CCDC148: variants seen among roughly 807,000 people sequenced by gnomAD.
CCDC148 encodes the protein coiled-coil domain-containing protein 148.
CCDC148 carries 89 observed loss-of-function variants against 85.7 expected under a neutral mutation model. That is an observed-to-expected ratio of 1.04 (90% confidence interval 0.87 to 1.24). The LOEUF is 1.24. CCDC148 is among the 50% of genes most tolerant of loss of function. The pLI is 0.00. For missense variants in CCDC148, 692 were observed against 671.7 expected (o/e 1.03, Z -0.33); for synonymous variants, 230 against 213.9 (o/e 1.08, Z -0.66).
chr2:158,400,150 T>C (rs1156489477), intron 1 of CCDC148, among the ~76,000 whole-genome samples: 1 of 152,192 alleles, frequency 6.6e-6, no homozygotes, highest in Non-Finnish European at 1.5e-5. Flanking sequence ...AACTTGTAGA[T>C]GCAATGCCAT....
intron 2 of CCDC148, among the ~76,000 whole-genome samples, chr2:158,357,689 T>C (rs1480043175): frequency 6.6e-6 from 1 of 152,196 alleles, no homozygotes; most frequent in Non-Finnish European, 1.5e-5. Context: ...GAATATACGG[T>C]AATCTCTCCA....
At chr2:158,361,925 T>C (rs138513969) in intron 1 of CCDC148, among the ~76,000 whole-genome samples, 1,880 of 148,858 alleles carry the variant, frequency 0.013, 30 homozygotes, top group African/African-American at 0.04. Context: ...AGGAGATCCA[T>C]CTCATGTGCA....
At chr2:158,272,980 A>G (rs1337947943) in intron 9 of CCDC148, among the ~76,000 whole-genome samples, 1 of 152,236 alleles carries the variant, frequency 6.6e-6, no homozygotes, top group Admixed American at 6.5e-5. Context: ...TGTCAATTTA[A>G]AAAGGATTTA....
At chr2:158,435,040 T>A (rs1687572142) in intron 1 of CCDC148, among the ~76,000 whole-genome samples, 1 of 152,202 alleles carries the variant, frequency 6.6e-6, no homozygotes, top group Non-Finnish European at 1.5e-5. Flanking sequence ...GGAACCAAGT[T>A]GGAAAACACT....
At chr2:158,403,625 A>G (rs1016348734) in intron 1 of CCDC148, among the ~76,000 whole-genome samples, 1 of 152,040 alleles carries the variant, frequency 6.6e-6, no homozygotes, top group Admixed American at 6.6e-5. Flanking sequence ...AAACAATTAA[A>G]TTGGCATTTA....
chr2:158,209,020 G>T (rs894301120), intron 11 of CCDC148, among the ~76,000 whole-genome samples: 2 of 151,314 alleles, frequency 1.3e-5, no homozygotes, highest in African/African-American at 4.9e-5. Context: ...AATATCATCT[G>T]ATGGCTGTAT....
intron 11 of CCDC148, among the ~76,000 whole-genome samples, chr2:158,188,742 G>A (rs1685276400): frequency 6.6e-6 from 1 of 151,922 alleles, no homozygotes; most frequent in Admixed American, 6.6e-5. Context: ...TGACAAGTAG[G>A]ACCTAATTAA....
At chr2:158,233,437 T>C (rs1000089769) in intron 10 of CCDC148, among the ~76,000 whole-genome samples, 1 of 151,472 alleles carries the variant, frequency 6.6e-6, no homozygotes, top group Non-Finnish European at 1.5e-5. Context: ...TACAACTTTG[T>C]GTGAACTTCT....
intron 1 of CCDC148, chr2:158,447,064 G>A (rs941713203): frequency 6.6e-6 from 1 of 152,192 alleles, no homozygotes; most frequent in African/African-American, 2.4e-5. Context: ...TACTGTTCAT[G>A]TAAAAGTCTG....
intron 9 of CCDC148, among the ~76,000 whole-genome samples, chr2:158,301,951 TGAGGATGACAAGAG>T (rs553420026): frequency 0.015 from 2,305 of 152,302 alleles, 28 homozygotes; most frequent in Middle Eastern, 0.078. Context: ...CCCAAGACCT[TGAGGATGACAAGAG>T]AAGGCTTCTT....
chr2:158,179,608 A>G (rs1195294881), intron 11 of CCDC148, among the ~76,000 whole-genome samples: 2 of 152,072 alleles, frequency 1.3e-5, no homozygotes, highest in African/African-American at 4.8e-5. Flanking sequence ...CAAGTGAGCT[A>G]TTATAGTGGT....
At chr2:158,232,788 T>A (rs1407106836) in intron 10 of CCDC148, among the ~76,000 whole-genome samples, 1 of 152,136 alleles carries the variant, frequency 6.6e-6, no homozygotes, top group African/African-American at 2.4e-5. Context: ...TTCCATTTTC[T>A]AGATTCTAAT....
intron 1 of CCDC148, among the ~76,000 whole-genome samples, chr2:158,387,821 C>G (rs982324443): frequency 3.3e-5 from 5 of 152,256 alleles, no homozygotes; most frequent in African/African-American, 1.2e-4. Context: ...GCTCTGACAC[C>G]CATATCAGGC....
chr2:158,196,821 G>GTGTGTT (rs149324372), intron 11 of CCDC148, among the ~76,000 whole-genome samples: 8,798 of 152,012 alleles, frequency 0.058, 841 homozygotes, highest in African/African-American at 0.2. Context: ...GTTTATATCT[G>GTGTGTT]TGTGTTTATG....
At chr2:158,449,179 T>C (rs190723251) in intron 1 of CCDC148, among the ~76,000 whole-genome samples, 4 of 152,318 alleles carry the variant, frequency 2.6e-5, no homozygotes, top group African/African-American at 9.6e-5. Context: ...CATATAAAAA[T>C]ACAACTGACT....
intron 1 of CCDC148, among the ~76,000 whole-genome samples, chr2:158,381,414 A>C (rs1684864211): frequency 6.6e-6 from 1 of 152,146 alleles, no homozygotes; most frequent in African/African-American, 2.4e-5. Flanking sequence ...ACCACAGTGC[A>C]ATACCTCTAT....
intron 1 of CCDC148, among the ~76,000 whole-genome samples, chr2:158,437,178 A>T (rs541868015): frequency 6.6e-6 from 1 of 152,310 alleles, no homozygotes; most frequent in East Asian, 1.9e-4. Flanking sequence ...CAACCAAAAA[A>T]GAGAATTTTA....
At chr2:158,447,309 C>T (rs569843717) in intron 1 of CCDC148, 6 of 152,272 alleles carry the variant, frequency 3.9e-5, no homozygotes, top group African/African-American at 1.4e-4. Flanking sequence ...CGTGGTGGTC[C>T]CTTCTTCCCA....
At chr2:158,182,336 C>A (rs1011027448) in intron 11 of CCDC148, among the ~76,000 whole-genome samples, 1 of 152,026 alleles carries the variant, frequency 6.6e-6, no homozygotes, top group African/African-American at 2.4e-5. Context: ...GAGAGGAAAC[C>A]ATTTAGGGAA....
Sources: gnomAD v4.1 joint callset for allele counts (sites outside exome capture counted in the v4.1 genomes callset) on GRCh38, gnomAD v4.1.1 for gene constraint, MANE v1.5 for transcripts, NCBI Gene and HGNC (gene_info 2026-07-23, HGNC 2026-07-21) for gene names.